Variants in IL18R1 observed in about 807,000 individuals in gnomAD.
IL18R1 encodes the protein interleukin 18 receptor 1.
A neutral mutation model predicts 48.5 loss-of-function variants in IL18R1; 40 were observed. The ratio of observed to expected loss-of-function variants is 0.82; its 90% CI spans 0.64 to 1.07. The LOEUF is 1.07. Among genes scored for constraint, IL18R1 ranks in the 50% least tolerant of loss-of-function variants. The probability of loss-of-function intolerance (pLI) is 0.00; values close to 1 mark genes in which losing one functional copy is unlikely to be tolerated. For synonymous variants in IL18R1, 232 were observed against 225.9 expected, an observed-to-expected ratio of 1.03 and a Z score of -0.24; for missense variants, 596 against 633.7, an observed-to-expected ratio of 0.94 and a Z score of 0.64.
chr2:102,390,934 C>CAAAAAAAAA (rs57709990), intron 9 of IL18R1, among the ~76,000 whole-genome samples: 16 of 80,234 alleles, frequency 2.0e-4, no homozygotes, highest in Non-Finnish European at 3.6e-4. Flanking sequence ...GACTCCGTCT[C>CAAAAAAAAA]AAAAAAAAAA....
rs76669789 is a variant in IL18R1, at chr2:102,390,484, G to A, written c.1111+267G>A. On this transcript the variant is annotated intron_variant, in intron 9 of 10. Coordinates refer to ENST00000233957, the MANE Select transcript of IL18R1 (RefSeq NM_003855.5). ...TTCCTAAATGCCCTGGGAGATGCTC[G>A]GGCCCAGGAACTGTATATCTGGGTG... Among the ~76,000 whole-genome samples, 10 of 152,158 alleles carry A rather than the reference G, an allele frequency of 6.6e-5. No homozygotes were observed. In the East Asian group the frequency reaches 1.7e-3, roughly 26 times the overall value.
intron 5 of IL18R1, among the ~76,000 whole-genome samples, chr2:102,380,838 A>G (rs1347383303): frequency 6.6e-6 from 1 of 152,212 alleles, no homozygotes. Flanking sequence ...GGCTACTAGC[A>G]GGGAACAGTC....
At position 102,356,207 on chromosome 2, in the gene IL18R1, CTTTTTTTT is replaced by C. The variant is rs397872910; in HGVS notation, c.-214_-207del. On this transcript the variant is annotated 5_prime_UTR_variant, in exon 1 of 11. Transcript: ENST00000233957. ...GTTCCTACTTTTTTTCCTTCTTCTT[CTTTTTTTT>C]TTTTTTTGTAGCCCTCTCTGGGTGC... 5.6e-6 allele frequency: 1 copy of C among 177,586 alleles called. No individual in the cohort carries two copies. Among genetic ancestry groups the C allele is most frequent in the Non-Finnish European group, 1.0e-5 (1 of 97,926 alleles). 11.0% of individuals were successfully genotyped at this position (177,586 alleles called of 1,614,324 possible). A position where few individuals can be genotyped will look rare whatever the true frequency, so the allele number is the denominator to read the frequency against.
At chr2:102,393,677 C>T (rs565167777) in intron 9 of IL18R1, among the ~76,000 whole-genome samples, 3 of 152,124 alleles carry the variant, frequency 2.0e-5, no homozygotes, top group Non-Finnish European at 2.9e-5. Context: ...ATAAATCTTA[C>T]CCATCTGCCA....
chr2:102,371,767 T>C (rs1017998766), intron 3 of IL18R1, among the ~76,000 whole-genome samples, 186 bp from the exon 4 acceptor site: 2 of 152,178 alleles, frequency 1.3e-5, no homozygotes, highest in Admixed American at 6.5e-5. Flanking sequence ...CCTGCTCCCA[T>C]GACAGTTTTT....
intron 2 of IL18R1, among the ~76,000 whole-genome samples, chr2:102,367,427 A>G (rs900231741): frequency 3.9e-5 from 6 of 152,146 alleles, no homozygotes; most frequent in Admixed American, 1.3e-4. Context: ...TTTCTTTTCT[A>G]CTGAGACTCC....
chr2:102,370,057 T>G (rs1416006161), intron 3 of IL18R1, among the ~76,000 whole-genome samples: 1 of 152,156 alleles, frequency 6.6e-6, no homozygotes, highest in East Asian at 1.9e-4. Context: ...TCCCCTGGTG[T>G]CTGTGGACAA....
intron 1 of IL18R1, among the ~76,000 whole-genome samples, chr2:102,360,582 C>A (rs1678518043): frequency 6.6e-6 from 1 of 152,092 alleles, no homozygotes; most frequent in South Asian, 2.1e-4. Context: ...AATTATGTGA[C>A]AACATTTATA....
intron 3 of IL18R1, among the ~76,000 whole-genome samples, chr2:102,369,756 T>A (rs1269767898): frequency 1.3e-5 from 2 of 152,208 alleles, no homozygotes; most frequent in Non-Finnish European, 2.9e-5. Context: ...CACCTGAAAA[T>A]TTCCCGTTAG....
At chr2:102,374,451 A>G (rs1490904239) in intron 4 of IL18R1, among the ~76,000 whole-genome samples, 1 of 152,178 alleles carries the variant, frequency 6.6e-6, no homozygotes, top group African/African-American at 2.4e-5. Context: ...GTGTTACAGT[A>G]TATGTAAATT....
At chr2:102,368,931 G>C (rs1339881488) in intron 3 of IL18R1, among the ~76,000 whole-genome samples, 2 of 152,170 alleles carry the variant, frequency 1.3e-5, no homozygotes, top group Non-Finnish European at 2.9e-5. Context: ...AGCAGAGTGA[G>C]CTACCACTGT....
rs559702451 is a variant in IL18R1 at position 102,398,361 on chromosome 2, C to G, written c.*1475C>G. On this transcript the variant is annotated 3_prime_UTR_variant, in exon 11 of 11. Coordinates refer to ENST00000233957, the MANE Select transcript of IL18R1 (RefSeq NM_003855.5). The stretch of plus-strand genomic sequence containing the variant: ...GGCTGGTTAGAACATGTGGGAGCAA[C>G]ATGAATGTTCTACAAAAGTTTAAAG... 1 of 152,410 alleles carries G rather than the reference C, an allele frequency of 6.6e-6. No individual in the cohort carries two copies. The highest frequency in any genetic ancestry group is 2.1e-4 in the South Asian group (1 of 4,828). The allele number at this position is 152,410 out of a possible 1,614,324, so 9.4% of individuals were successfully genotyped here. A position where few individuals can be genotyped will look rare whatever the true frequency, so the allele number is the denominator to read the frequency against.
chr2:102,386,805 C>A lies in IL18R1; in HGVS notation c.810-56C>A, dbSNP rs2241116. 0.2 allele frequency: 319,320 copies of A among 1,564,272 alleles called. 33,892 individuals are homozygous for A. Among genetic ancestry groups the A allele is most frequent in the South Asian group, 0.23 (20,186 of 87,878 alleles). On this transcript the variant is annotated intron_variant, in intron 7 of 10. Coordinates refer to ENST00000233957, the MANE Select transcript of IL18R1 (RefSeq NM_003855.5). ...TTCAAGCATTTTAAACATGTGAATTCCCCTCTCAAGGGTAACGAACAGAGC... is the reference window on the plus strand; with the variant it reads ...TTCAAGCATTTTAAACATGTGAATTACCCTCTCAAGGGTAACGAACAGAGC...
chr2:102,394,385 C>A, intron 9 of IL18R1, 84 bp from the exon 10 acceptor site: 2 of 1,120,172 alleles, frequency 1.8e-6, no homozygotes, highest in Non-Finnish European at 2.6e-6. Flanking sequence ...ATTCTATACT[C>A]ATTACTTACG....
chr2:102,389,707 A>G (rs1292051210), intron 8 of IL18R1, among the ~76,000 whole-genome samples: 2 of 152,194 alleles, frequency 1.3e-5, no homozygotes, highest in Non-Finnish European at 2.9e-5. Context: ...TATGCACCTC[A>G]ACCCACTTGC....
rs780591642 is a variant in IL18R1, at chr2:102,381,684, T to C, written c.688+2T>C. 1.3e-6 allele frequency: 2 copies of C among 1,590,192 alleles called. No homozygotes were observed. ...TTAACCATGTTGCAGTGGAATTAGG[T>C]ATATTTCAATATACATATATTCTGC... On this transcript the variant is annotated splice_donor_variant, in intron 6 of 10. Coordinates refer to ENST00000233957, the MANE Select transcript of IL18R1 (RefSeq NM_003855.5). LOFTEE classifies it high-confidence loss of function.
At chr2:102,377,192 A>T (rs2105080122) in intron 5 of IL18R1, among the ~76,000 whole-genome samples, 1 of 152,308 alleles carries the variant, frequency 6.6e-6, no homozygotes, top group Middle Eastern at 3.4e-3. Flanking sequence ...AGCTATATAC[A>T]CCCACATGTT....
chr2:102,388,855 G>C (rs1680396277), intron 8 of IL18R1, among the ~76,000 whole-genome samples: 1 of 152,084 alleles, frequency 6.6e-6, no homozygotes, highest in Admixed American at 6.6e-5. Context: ...AGAAAGATAT[G>C]GAAAGATAAT....
chr2:102,363,997 A>G (rs1678740431), intron 2 of IL18R1, among the ~76,000 whole-genome samples: 1 of 152,218 alleles, frequency 6.6e-6, no homozygotes, highest in African/African-American at 2.4e-5. Flanking sequence ...TCCAACAAGC[A>G]TTATGGTAAT....
Sources: allele counts gnomAD v4.1 joint callset (sites outside exome capture counted in the v4.1 genomes callset), GRCh38; gene constraint gnomAD v4.1.1; transcripts MANE v1.5; gene names NCBI Gene and HGNC (gene_info 2026-07-23, HGNC 2026-07-21).